The following CEP170 variants were observed in gnomAD, a reference collection of about 807,000 sequenced individuals.
The protein encoded by CEP170 is centrosomal protein of 170 kDa.
Under a neutral mutation model 151.9 loss-of-function variants are expected in CEP170, and 21 were observed. The observed-to-expected ratio is 0.14, with a 90% confidence interval of 0.10 to 0.20. The LOEUF (loss-of-function observed/expected upper bound fraction) is 0.20. Ranked by LOEUF, CEP170 falls within the 10% of genes least tolerant of loss-of-function variation. CEP170 has a pLI of 1.00. For synonymous variants in CEP170, 356 were observed against 648.8 expected (o/e 0.55, Z 6.86); for missense variants, 964 against 1,892.9 (o/e 0.51, Z 9.11).
intron 7 of CEP170, among the ~76,000 whole-genome samples, chr1:243,197,250 A>G (rs2060719188): frequency 6.6e-6 from 1 of 152,026 alleles, no homozygotes; most frequent in Non-Finnish European, 1.5e-5. Flanking sequence ...AACACTCAAA[A>G]TTTACAAATA....
chr1:243,146,838 T>C (rs1229293173), intron 14 of CEP170, among the ~76,000 whole-genome samples: 4 of 152,236 alleles, frequency 2.6e-5, no homozygotes, highest in Middle Eastern at 6.8e-3. Context: ...ACGGGACTTA[T>C]ATAACAGCAC....
At chr1:243,201,267 A>G (rs1042874803) in intron 4 of CEP170, among the ~76,000 whole-genome samples, 3 of 152,048 alleles carry the variant, frequency 2.0e-5, no homozygotes, top group Non-Finnish European at 4.4e-5. Flanking sequence ...CAAACTTCAT[A>G]AGCATTGATA....
At chr1:243,217,886 C>T (rs1470560406) in intron 3 of CEP170, among the ~76,000 whole-genome samples, 1 of 152,168 alleles carries the variant, frequency 6.6e-6, no homozygotes, top group Admixed American at 6.5e-5. Context: ...TGTTGGGATT[C>T]GAAATCAGGT....
At chr1:243,143,947 G>C (rs2056176441) in intron 14 of CEP170, among the ~76,000 whole-genome samples, 2 of 152,168 alleles carry the variant, frequency 1.3e-5, no homozygotes, top group Non-Finnish European at 2.9e-5. Flanking sequence ...GATTTAAAAA[G>C]GGAACTAAGT....
chr1:243,140,675 T>A (rs997651385), intron 15 of CEP170: 1 of 152,292 alleles, frequency 6.6e-6, no homozygotes, highest in South Asian at 2.1e-4. Context: ...CTAATAGAAA[T>A]GATATACTGC....
chr1:243,186,879 A>T (rs1388654444), intron 8 of CEP170, among the ~76,000 whole-genome samples: 1 of 152,260 alleles, frequency 6.6e-6, no homozygotes, highest in Non-Finnish European at 1.5e-5. Flanking sequence ...GAACATAAGT[A>T]TGGTAAAAAT....
At chr1:243,182,114 T>G (rs1312961849) in intron 10 of CEP170, among the ~76,000 whole-genome samples, 1 of 151,064 alleles carries the variant, frequency 6.6e-6, no homozygotes, top group Non-Finnish European at 1.5e-5. Flanking sequence ...CTTGTTCTTA[T>G]GGGAATGGAT....
intron 4 of CEP170, among the ~76,000 whole-genome samples, chr1:243,202,015 T>C (rs2061071866): frequency 6.6e-6 from 1 of 152,156 alleles, no homozygotes; most frequent in African/African-American, 2.4e-5. Context: ...TAATAAAAGA[T>C]AATGTCTAAA....
intron 1 of CEP170, among the ~76,000 whole-genome samples, chr1:243,231,115 C>G (rs1436625991): frequency 1.3e-5 from 2 of 150,882 alleles, no homozygotes. Flanking sequence ...AAAAAACTGT[C>G]AATCAAGAAT....
rs968271827 is a variant in CEP170 at position 243,126,404 on chromosome 1, C to A, written c.*45G>T. ...TCAACACTATGCTGCTTCCAATATT[C>A]CTAGCCATTCCACAGGTAATGATTT... is the stretch of plus-strand genomic sequence containing the variant. On this transcript the variant is annotated 3_prime_UTR_variant, in exon 20 of 20. Transcript: ENST00000366542. 5.1e-6 allele frequency: 8 copies of A among 1,555,510 alleles called. No individual in the cohort carries two copies. Among genetic ancestry groups the A allele is most frequent in the South Asian group, 1.2e-5 (1 of 83,116 alleles).
At chr1:243,143,797 G>T (rs1261987821) in intron 14 of CEP170, among the ~76,000 whole-genome samples, 1 of 151,122 alleles carries the variant, frequency 6.6e-6, no homozygotes, top group Admixed American at 6.6e-5. Flanking sequence ...GAACTCCTGA[G>T]TTCAAGCAAT....
chr1:243,143,307 T>C lies in CEP170; in HGVS notation c.3912-844A>G, dbSNP rs143510871. On this transcript the variant is annotated intron_variant, in intron 14 of 19. Coordinates refer to ENST00000366542, the MANE Select transcript of CEP170 (RefSeq NM_014812.3). ...AAGTTCTTTTGAGGTAGGATTCATC[T>C]GACTTTATCACAATCTCAGAGAACC... is the stretch of plus-strand genomic sequence containing the variant. Among the ~76,000 whole-genome samples, 287 of 152,310 alleles carry C rather than the reference T, an allele frequency of 1.9e-3. 3 individuals are homozygous for C. The highest frequency in any genetic ancestry group is 6.8e-3 in the Middle Eastern group (2 of 294).
intron 1 of CEP170, among the ~76,000 whole-genome samples, chr1:243,227,536 G>A (rs1290450334): frequency 6.6e-6 from 1 of 152,122 alleles, no homozygotes; most frequent in Non-Finnish European, 1.5e-5. Flanking sequence ...TGTGATTCAA[G>A]GGTCAGATTT....
chr1:243,236,695 T>C (rs1265222326), intron 1 of CEP170, among the ~76,000 whole-genome samples: 3 of 152,190 alleles, frequency 2.0e-5, no homozygotes, highest in Admixed American at 1.3e-4. Flanking sequence ...ACTAAATAAC[T>C]ATAAATCTAA....
At chr1:243,186,642 A>T (rs531107362) in intron 8 of CEP170, 1 of 510,410 alleles carries the variant, frequency 2.0e-6, no homozygotes, top group East Asian at 3.1e-5. Context: ...ACTGAATAGG[A>T]TCGCCTTTCT....
intron 17 of CEP170, among the ~76,000 whole-genome samples, chr1:243,135,253 C>G (rs1231440720): frequency 7.9e-5 from 12 of 152,130 alleles, no homozygotes; most frequent in Admixed American, 5.2e-4. Context: ...GTTGCCCAGG[C>G]TGGAGTGCAG....
At chr1:243,221,190 A>G (rs762711914) in intron 3 of CEP170, among the ~76,000 whole-genome samples, 4 of 151,844 alleles carry the variant, frequency 2.6e-5, no homozygotes, top group Non-Finnish European at 5.9e-5. Flanking sequence ...ACACCCGGCT[A>G]ATTTTTTGCA....
intron 1 of CEP170, among the ~76,000 whole-genome samples, chr1:243,230,506 A>T (rs1326633585): frequency 2.6e-5 from 4 of 152,218 alleles, no homozygotes; most frequent in Non-Finnish European, 5.9e-5. Context: ...CAACAAAAAA[A>T]TTAGCAAAAC....
chr1:243,144,392 A>G (rs1180608855), intron 14 of CEP170, among the ~76,000 whole-genome samples: 1 of 152,228 alleles, frequency 6.6e-6, no homozygotes, highest in Non-Finnish European at 1.5e-5. Flanking sequence ...GTCATGCTAC[A>G]TCTCACATGA....
Sources: gnomAD v4.1 joint callset for allele counts (sites outside exome capture counted in the v4.1 genomes callset) on GRCh38, gnomAD v4.1.1 for gene constraint, MANE v1.5 for transcripts, NCBI Gene and HGNC (gene_info 2026-07-23, HGNC 2026-07-21) for gene names.